Variants in PLEC observed in about 807,000 individuals in gnomAD.
PLEC encodes the protein plectin.
Under a neutral mutation model 392.8 loss-of-function variants are expected in PLEC, and 216 were observed. That is an observed-to-expected ratio of 0.55 (90% CI 0.49 to 0.62). PLEC has a LOEUF of 0.62. Ranked by LOEUF, PLEC falls within the 20% of genes least tolerant of loss-of-function variation. The pLI is 0.00. For missense variants in PLEC, 6,863 were observed against 6,563.4 expected, an observed-to-expected ratio of 1.05 and a Z score of -1.58; for synonymous variants, 3,621 against 2,980.6, an observed-to-expected ratio of 1.21 and a Z score of -7.00.
At chr8:143,942,289 C>T, upstream of PLEC, 2 of 1,420,088 alleles carry the variant, frequency 1.4e-6, no homozygotes, top group Non-Finnish European at 1.9e-6. Context: ...CAAGGCGCCA[C>T]CCCCATCCCA....
Position 143,927,724 on chromosome 8 carries a change from C to T in PLEC, c.3442G>A (p.Ala1148Thr), listed in dbSNP as rs370869846. The T allele has an allele frequency of 4.3e-5, 69 of 1,593,428 alleles. No homozygotes were observed. In the African/African-American group the frequency reaches 7.5e-4, roughly 17 times the overall value. ...QAEAQQPTFDALRDELRGAQE... is the reference protein window; with the variant it reads ...QAEAQQPTFDTLRDELRGAQE... ...GCCCCCCGCAGCTCATCCCGCAGGG[C>T]GTCGAACGTGGGCTGCTGTGCCTCG... The change falls in exon 27 of 32, where the codon GCC becomes ACC. Residue 1148 changes from alanine to threonine, a missense_variant. Transcript: ENST00000345136.
At position 143,950,062 on chromosome 8, in the gene PLEC, T is replaced by A. The variant is rs187377628; in HGVS notation, c.523+122A>T. ...GGCTAGGGGGGGCCACCTGCTGGTG[T>A]GAGCGACGCTCCGCAAGCCGGCTGA... On this transcript the variant is annotated intron_variant, in intron 1 of 31. Transcript: ENST00000322810. 8.8e-4 allele frequency: 1,134 copies of A among 1,290,074 alleles called. 12 individuals are homozygous for A. The East Asian group carries it at 0.027, about 31-fold the overall frequency. The allele number at this position is 1,290,074 out of a possible 1,614,324, so 79.9% of individuals were successfully genotyped here. A position where few individuals can be genotyped will look rare whatever the true frequency, so the allele number is the denominator to read the frequency against.
Position 143,923,964 on chromosome 8 carries a change from G to T in PLEC, c.5965C>A (p.Arg1989Ser), listed in dbSNP as rs201465091. 18 of 1,587,282 alleles carry T rather than the reference G, an allele frequency of 1.1e-5. No individual in the cohort carries two copies. The highest frequency in any genetic ancestry group is 1.4e-5 in the Non-Finnish European group (16 of 1,172,960). ...EERRRREAEE[R>S]VQKSLAAEEE... Reference sequence around the variant, plus strand: ...TCGGCCGCCAGGCTCTTCTGCACGCGCTCCTCAGCCTCACGGCGCCGCCGC... The same window carrying T: ...TCGGCCGCCAGGCTCTTCTGCACGCTCTCCTCAGCCTCACGGCGCCGCCGC... The change falls in exon 31 of 32, where the codon CGC (arginine) becomes AGC (serine). Residue 1989 changes from arginine to serine, a missense_variant. By Grantham distance (110) the Arg-to-Ser change is moderately radical (BLOSUM62 -1). Coordinates refer to ENST00000345136, the MANE Select transcript of PLEC (RefSeq NM_201384.3).
intron 30 of PLEC, 43 bp downstream of exon 30, chr8:143,926,741 T>C: frequency 1.3e-6 from 2 of 1,491,324 alleles, no homozygotes; most frequent in African/African-American, 1.4e-5. Flanking sequence ...CAACAGGTGG[T>C]GAGATGGAAC....
rs34490562 is a variant in PLEC, at chr8:143,922,669, C to T, written c.7260G>A (p.Thr2420=). ...TCACCTTCTCCTGGGTGGCGAGCTC[C>T]GTGCGGTGCAGCTTCTCACCGATCT... ...AEEIGEKLHR[T]ELATQEKVTL... is the part of the protein sequence containing the mutation. The change falls in exon 31 of 32, where the codon ACG becomes ACA. Residue 2420 remains threonine (T), a synonymous_variant. Coordinates refer to ENST00000345136, the MANE Select transcript of PLEC (RefSeq NM_201384.3). The T allele has an allele frequency of 1.2e-3, 1,962 of 1,613,214 alleles. 19 individuals are homozygous for T. In the African/African-American group the frequency reaches 0.022, roughly 18 times the overall value.
rs1454445957 is a variant in PLEC, at chr8:143,923,166, T to A, written c.6763A>T (p.Ile2255Phe). ...ARIEAENRAL[I>F]LRDKDNTQRF... ...TGCGTATTGTCCTTGTCACGCAAGATGAGTGCGCGGTTCTCAGCCTCGATG... is the reference window on the plus strand; with the variant it reads ...TGCGTATTGTCCTTGTCACGCAAGAAGAGTGCGCGGTTCTCAGCCTCGATG... The change falls in exon 31 of 32, where the codon ATC (isoleucine) becomes TTC (phenylalanine). Residue 2255 changes from isoleucine to phenylalanine, a missense_variant. Transcript: ENST00000345136. 6.9e-6 allele frequency: 11 copies of A among 1,602,644 alleles called. No homozygotes were observed. Among genetic ancestry groups the A allele is most frequent in the Non-Finnish European group, 9.3e-6 (11 of 1,179,884 alleles).
In PLEC at chr8:143,930,303, G is replaced by A. The variant is rs1826814562; in HGVS notation, c.2458-5C>T. 1.2e-6 allele frequency: 2 copies of A among 1,601,050 alleles called. No individual in the cohort carries two copies. Among genetic ancestry groups the A allele is most frequent in the East Asian group, 4.5e-5 (2 of 44,670 alleles). ...GTCACCCTTGTGCACAGTCACCTGG[G>A]ACGGGCAGAGTCGGTGAGGACATGG... On this transcript the variant is annotated splice_polypyrimidine_tract_variant and splice_region_variant and intron_variant, in intron 20 of 31. Transcript: ENST00000345136.
chr8:143,925,591 G>A lies in PLEC; in HGVS notation c.4338C>T (p.Ser1446=). The change falls in exon 31 of 32, where the codon AGC becomes AGT. Residue 1446 remains serine, a synonymous_variant. Coordinates refer to ENST00000345136, the MANE Select transcript of PLEC (RefSeq NM_201384.3). The part of the protein sequence containing the change: ...KARQAEAAER[S]RLRIEEEIRV... ...GGATCTCCTCCTCGATGCGCAGCCG[G>A]CTGCGCTCAGCCGCCTCTGCCTGCC... The A allele has an allele frequency of 3.2e-6, 5 of 1,571,858 alleles. No individual in the cohort carries two copies. Among genetic ancestry groups the A allele is most frequent in the Non-Finnish European group, 4.3e-6 (5 of 1,167,066 alleles).
At position 143,933,312 on chromosome 8, in the gene PLEC, C is replaced by G. The variant is rs1554719307; in HGVS notation, c.1303G>C (p.Ala435Pro). 1.9e-6 allele frequency: 3 copies of G among 1,612,800 alleles called. No homozygotes were observed. The highest frequency in any genetic ancestry group is 2.5e-6 in the Non-Finnish European group (3 of 1,179,968). ...TCCAAGTCCCGTTCCACCTCCCCCG[C>G]CCGCTGTGGCACTTTGCCTGCAGCC... ...LLAAGKVPQR[A>P]GEVERDLDKA... Residue 435 changes from alanine (A) to proline (P), a missense_variant, in exon 13 of 32, where the codon GCG becomes CCG. Coordinates refer to ENST00000345136, the MANE Select transcript of PLEC (RefSeq NM_201384.3).
At chr8:143,954,483 G>GC (rs1466872796), upstream of PLEC, among the ~76,000 whole-genome samples, 1 of 152,074 alleles carries the variant, frequency 6.6e-6, no homozygotes, top group African/African-American at 2.4e-5. The surrounding 1 kb of genome is among the most constrained non-coding windows in gnomAD (Gnocchi z 4.6). Context: ...TCCTGGCTGC[G>GC]CCCCCCAGTC....
rs200176579 is a variant in PLEC, at chr8:143,920,798, C to T, written c.9023G>A (p.Arg3008Gln). The T allele has an allele frequency of 3.4e-5, 55 of 1,607,714 alleles. No individual in the cohort carries two copies. In the East Asian group the frequency reaches 4.2e-4, roughly 12 times the overall value. Residue 3008 changes from arginine (R) to glutamine (Q), a missense_variant, in exon 32 of 32, where the codon CGA becomes CAA. Transcript: ENST00000345136. ...CACAGTGTCCACCTCGGCTACGTCTCGCACAGAGCGCTCACCTCGCTGCAG... is the reference window on the plus strand; with the variant it reads ...CACAGTGTCCACCTCGGCTACGTCTTGCACAGAGCGCTCACCTCGCTGCAG... The part of the protein sequence containing the change: ...QQLQRGERSV[R>Q]DVAEVDTVRR...
rs782056762 is a variant in PLEC at position 143,932,715 on chromosome 8, G to C, written c.1738-3C>G. On this transcript the variant is annotated splice_region_variant and splice_polypyrimidine_tract_variant and intron_variant, in intron 14 of 31. Coordinates refer to ENST00000345136, the MANE Select transcript of PLEC (RefSeq NM_201384.3). ...CGGGTGGCGGGGGAGAGCTGGCCCT[G>C]CAACAGATGAGACGGTGAGGTCTGC... is the stretch of plus-strand genomic sequence containing the variant. The C allele has an allele frequency of 6.2e-7, 1 of 1,607,000 alleles. No homozygotes were observed. The highest frequency in any genetic ancestry group is 8.5e-7 in the Non-Finnish European group (1 of 1,177,392).
Position 143,930,079 on chromosome 8 carries a change from A to G in PLEC, c.2613-17T>C, listed in dbSNP as rs782172101. On this transcript the variant is annotated splice_polypyrimidine_tract_variant and intron_variant, in intron 21 of 31. Coordinates refer to ENST00000345136, the MANE Select transcript of PLEC (RefSeq NM_201384.3). ...GCCTCCAGCCTGGCAGGTCAGGGCT[A>G]CAGTCAGCGTCACCAGCGCCCCACC... is the stretch of plus-strand genomic sequence containing the variant. The G allele has an allele frequency of 5.6e-6, 9 of 1,608,094 alleles. No individual in the cohort carries two copies. The highest frequency in any genetic ancestry group is 1.7e-4 in the Middle Eastern group (1 of 6,012).
chr8:143,929,565 T>A lies in PLEC; in HGVS notation c.2930A>T (p.Gln977Leu). ...QLLQSLEQGA[Q>L]EESRCQRCIS... ...GCAGCGCTGGCAGCGAGACTCTTCC[T>A]GTGCACCTGGGGAACACATGTGGGT... Residue 977 changes from glutamine to leucine, a missense_variant, in exon 24 of 32, where the codon CAG (glutamine) becomes CTG (leucine). Physicochemically the swap from Gln to Leu is moderately radical, Grantham distance 113 (BLOSUM62 -2). Coordinates refer to ENST00000345136, the MANE Select transcript of PLEC (RefSeq NM_201384.3). 1 of 1,612,538 alleles carries A rather than the reference T, an allele frequency of 6.2e-7. No individual in the cohort carries two copies. Among genetic ancestry groups the A allele is most frequent in the Non-Finnish European group, 8.5e-7 (1 of 1,179,912 alleles).
Position 143,935,202 on chromosome 8 carries a change from A to G in PLEC, c.714T>C (p.Pro238=). 2 of 1,612,398 alleles carry G rather than the reference A, an allele frequency of 1.2e-6. No homozygotes were observed. Among genetic ancestry groups the G allele is most frequent in the Non-Finnish European group, 1.7e-6 (2 of 1,179,648 alleles). ...AGGAAGGCCACGCAGACGTACCCTC[A>G]GGGTCCAGGAGCCGCGTCACTCCCA... ...RDLGVTRLLD[P]EDVDVPQPDE... The change falls in exon 7 of 32, where the codon CCT becomes CCC. Residue 238 remains proline, a synonymous_variant. Coordinates refer to ENST00000345136, the MANE Select transcript of PLEC (RefSeq NM_201384.3).
chr8:143,932,263 C>T (rs200868315), intron 16 of PLEC, 29 bp from the exon 17 acceptor site: 30 of 1,609,830 alleles, frequency 1.9e-5, no homozygotes, highest in Middle Eastern at 1.8e-4. Flanking sequence ...GTCTCAGGGA[C>T]GGCCGGCCAC....
chr8:143,925,020 T>G lies in PLEC; in HGVS notation c.4909A>C (p.Lys1637Gln). ...AERELERWQL[K>Q]ANEALRLRLQ... ...CGCAGCCGTAGCGCCTCGTTGGCCT[T>G]GAGCTGCCAGCGCTCCAGCTCCCGC... is the stretch of plus-strand genomic sequence containing the variant. The change falls in exon 31 of 32, where the codon AAG (lysine) becomes CAG (glutamine). Residue 1637 changes from lysine to glutamine, a missense_variant. Coordinates refer to ENST00000345136, the MANE Select transcript of PLEC (RefSeq NM_201384.3). 6.4e-7 allele frequency: 1 copy of G among 1,568,302 alleles called. No individual in the cohort carries two copies. The highest frequency in any genetic ancestry group is 8.6e-7 in the Non-Finnish European group (1 of 1,165,430).
upstream of PLEC, among the ~76,000 whole-genome samples, chr8:143,951,326 C>A (rs781806549): frequency 2.0e-5 from 3 of 151,794 alleles, no homozygotes; most frequent in African/African-American, 4.8e-5. Flanking sequence ...ATGAGGGATG[C>A]GAGGCTTGAG....
chr8:143,964,619 T>G (rs1378422192), intron 1 of PLEC, among the ~76,000 whole-genome samples: 2 of 152,184 alleles, frequency 1.3e-5, no homozygotes, highest in African/African-American at 4.8e-5. Flanking sequence ...AATACATTTC[T>G]GTTGTTTAAG....
Sources: gnomAD v4.1 joint callset for allele counts (sites outside exome capture counted in the v4.1 genomes callset) on GRCh38, gnomAD v4.1.1 for gene constraint, Gnocchi (gnomAD v3.1) non-coding constraint, MANE v1.5 for transcripts, NCBI Gene and HGNC (gene_info 2026-07-23, HGNC 2026-07-21) for gene names.